The following HACL1 variants were observed in gnomAD, a reference collection of about 807,000 sequenced individuals.
HACL1 encodes the protein 2-hydroxyacyl-CoA lyase 1, also known as 1600020H07Rik.
HACL1 carries 64 observed loss-of-function variants against 74.2 expected under a neutral mutation model. That is an observed-to-expected ratio of 0.86 (90% CI 0.70 to 1.06). HACL1 has a LOEUF of 1.06. Ranked by LOEUF, HACL1 falls within the 50% of genes least tolerant of loss-of-function variation. The pLI, the probability that HACL1 is intolerant of heterozygous loss-of-function variation, is 0.00. For missense variants in HACL1, 728 were observed against 719.7 expected (o/e 1.01, Z -0.13); for synonymous variants, 230 against 238.8 (o/e 0.96, Z 0.34).
intron 9 of HACL1, among the ~76,000 whole-genome samples, chr3:15,579,181 A>T (rs2125253034): frequency 6.6e-6 from 1 of 152,364 alleles, no homozygotes; most frequent in Non-Finnish European, 1.5e-5. Context: ...AGAATCTCCA[A>T]ATACAATATC....
At position 15,572,240 on chromosome 3, in the gene HACL1, T is replaced by A. The variant is rs1355671881; in HGVS notation, c.994-471A>T. The stretch of plus-strand genomic sequence containing the variant: ...CTTCACATTACTCAGACTCTTTTTT[T>A]CTTCCAGTTAGTAAACACCTGATAG... On this transcript the variant is annotated intron_variant, in intron 11 of 16. Transcript: ENST00000321169. Among the ~76,000 whole-genome samples the A allele has an allele frequency of 2.0e-5, 3 of 152,232 alleles. No homozygotes were observed. In the East Asian group the frequency reaches 5.8e-4, roughly 29 times the overall value.
rs200409115 is a variant in HACL1, at chr3:15,596,342, C to G, written c.227+42G>C. On this transcript the variant is annotated intron_variant, in intron 3 of 16. Coordinates refer to ENST00000321169, the MANE Select transcript of HACL1 (RefSeq NM_012260.4). ...GCTGAAAGACGTAATAGTTCTACCCCAAAATATTAAAGTAATTGAAGTGAA... is the reference window on the plus strand; with the variant it reads ...GCTGAAAGACGTAATAGTTCTACCCGAAAATATTAAAGTAATTGAAGTGAA... 2.0e-4 allele frequency: 215 copies of G among 1,090,868 alleles called. 1 individual carries two copies. In the East Asian group the frequency reaches 3.9e-3, roughly 20 times the overall value. The allele number at this position is 1,090,868 out of a possible 1,614,324, so 67.6% of individuals were successfully genotyped here. A position where few individuals can be genotyped will look rare whatever the true frequency, so the allele number is the denominator to read the frequency against.
intron 10 of HACL1, among the ~76,000 whole-genome samples, chr3:15,574,465 G>A (rs1298066461): frequency 6.6e-6 from 1 of 152,112 alleles, no homozygotes; most frequent in Non-Finnish European, 1.5e-5. Flanking sequence ...TTCCACACCA[G>A]TAAAGAAAAT....
intron 14 of HACL1, among the ~76,000 whole-genome samples, chr3:15,565,368 C>T (rs187924982): frequency 6.2e-4 from 95 of 152,214 alleles, no homozygotes; most frequent in East Asian, 4.8e-3. Context: ...ACTGAGCTCC[C>T]CACAGACACC....
At position 15,580,060 on chromosome 3, in the gene HACL1, A is replaced by G. The variant is rs113645319; in HGVS notation, c.668-15T>C. The G allele has an allele frequency of 7.5e-6, 12 of 1,607,230 alleles. No homozygotes were observed. Among genetic ancestry groups the G allele is most frequent in the Non-Finnish European group, 1.0e-5 (12 of 1,174,716 alleles). ...GTAAGCAGCACCTATAAGAAATGCA[A>G]ATGTATTGGACAATTCAGTTAAGCT... On this transcript the variant is annotated splice_polypyrimidine_tract_variant and intron_variant, in intron 8 of 16. Transcript: ENST00000321169.
chr3:15,570,413 A>C (rs2063506412), intron 12 of HACL1, among the ~76,000 whole-genome samples: 1 of 151,904 alleles, frequency 6.6e-6, no homozygotes, highest in Non-Finnish European at 1.5e-5. Context: ...TTGATGCGAA[A>C]ATGTGAATTT....
chr3:15,579,091 A>G (rs896146397), intron 9 of HACL1, among the ~76,000 whole-genome samples: 1 of 152,214 alleles, frequency 6.6e-6, no homozygotes, highest in African/African-American at 2.4e-5. Flanking sequence ...ATTTGTAGTC[A>G]AGCTAATCTA....
In HACL1 at chr3:15,568,419, T is replaced by G; in HGVS notation, c.1250+13A>C. 6.6e-7 allele frequency: 1 copy of G among 1,512,236 alleles called. No individual in the cohort carries two copies. Among genetic ancestry groups the G allele is most frequent in the Admixed American group, 2.0e-5 (1 of 50,246 alleles). 93.7% of individuals were successfully genotyped at this position (1,512,236 alleles called of 1,614,324 possible). On this transcript the variant is annotated intron_variant, in intron 13 of 16. Coordinates refer to ENST00000321169, the MANE Select transcript of HACL1 (RefSeq NM_012260.4). Reference sequence around the variant, plus strand: ...TAATGAATTACGACTTCTTTCTTCTTTAGAAGTCTTACCTGTGACGAGGAA... The same window carrying G: ...TAATGAATTACGACTTCTTTCTTCTGTAGAAGTCTTACCTGTGACGAGGAA...
At chr3:15,567,433 T>C (rs2063456378) in intron 14 of HACL1, among the ~76,000 whole-genome samples, 1 of 151,658 alleles carries the variant, frequency 6.6e-6, no homozygotes, top group East Asian at 1.9e-4. Context: ...TTGGCCAGGC[T>C]GGTCTTGAAC....
In HACL1 at chr3:15,563,404, G is replaced by A; in HGVS notation, c.1658C>T (p.Ser553Phe). 4.3e-6 allele frequency: 7 copies of A among 1,613,744 alleles called. No individual in the cohort carries two copies. Among genetic ancestry groups the A allele is most frequent in the Non-Finnish European group, 5.9e-6 (7 of 1,179,688 alleles). The change falls in exon 16 of 17, where the codon TCT becomes TTT. Residue 553 changes from serine (S) to phenylalanine (F), a missense_variant. Ser to Phe is a radical substitution (Grantham distance 155). Coordinates refer to ENST00000321169, the MANE Select transcript of HACL1 (RefSeq NM_012260.4). ...TGGCTCAATCATGATGTTGATAAGA[G>A]AAGGTTTAGTTGTGTCTGCTAGGCT... Reference protein sequence around the residue: ...RQSLADTTKPSLINIMIEPQA... With the variant: ...RQSLADTTKPFLINIMIEPQA...
At chr3:15,568,679 C>T (rs890612401) in intron 12 of HACL1, 93 bp from the exon 13 acceptor site, 7 of 749,510 alleles carry the variant, frequency 9.3e-6, no homozygotes, top group Middle Eastern at 2.6e-4. Flanking sequence ...TTTGGAAATA[C>T]GCAACAACTA....
intron 4 of HACL1, 58 bp from the exon 5 acceptor site, chr3:15,589,670 T>TA: frequency 1.0e-6 from 1 of 970,456 alleles, no homozygotes; most frequent in Admixed American, 1.8e-5. Flanking sequence ...TGTAAAACAC[T>TA]AAACACAGTG....
chr3:15,567,998 C>T lies in HACL1; in HGVS notation c.1255G>A (p.Asp419Asn), dbSNP rs1384271381. The change falls in exon 14 of 17, where the codon GAT becomes AAT. Residue 419 changes from aspartate (D) to asparagine (N), a missense_variant. Transcript: ENST00000321169. ...LQNYLPRHRL[D>N]AGTFGTMGVG... ...CCCATTGTTCCGAAAGTACCAGCATCAAGCCTGTTGGAGAACAAAGTTAAA... is the reference window on the plus strand; with the variant it reads ...CCCATTGTTCCGAAAGTACCAGCATTAAGCCTGTTGGAGAACAAAGTTAAA... The T allele has an allele frequency of 1.2e-6, 2 of 1,614,010 alleles. No homozygotes were observed. The highest frequency in any genetic ancestry group is 2.7e-5 in the African/African-American group (2 of 74,924).
intron 3 of HACL1, among the ~76,000 whole-genome samples, chr3:15,594,102 A>C (rs1469651848): frequency 6.6e-6 from 1 of 152,126 alleles, no homozygotes; most frequent in Non-Finnish European, 1.5e-5. Flanking sequence ...CCTGGTCCCC[A>C]AAATCTTTTA....
At chr3:15,593,924 A>C (rs1282330470) in intron 3 of HACL1, among the ~76,000 whole-genome samples, 2 of 151,506 alleles carry the variant, frequency 1.3e-5, no homozygotes, top group Non-Finnish European at 2.9e-5. Context: ...CAGCCTCCCA[A>C]GTAGCTGGGA....
intron 5 of HACL1, 21 bp downstream of exon 5, chr3:15,589,519 C>A (rs766204322): frequency 2.2e-5 from 34 of 1,536,096 alleles, no homozygotes; most frequent in Non-Finnish European, 2.7e-5. Flanking sequence ...TAAAAAAAAC[C>A]AAAATCTTAA....
In HACL1 at chr3:15,568,503, G is replaced by A. The variant is rs752404751; in HGVS notation, c.1179C>T (p.Phe393=). 5 of 1,598,554 alleles carry A rather than the reference G, an allele frequency of 3.1e-6. No individual in the cohort carries two copies. The East Asian group carries it at 6.7e-5, about 21-fold the overall frequency. ...HVQEQLPRDC[F]VVSEGANTMD... ...TAGTATTTGCTCCTTCACTTACCACGAAACAGTCTCTAGGTAGTTGTTCTT... is the reference window on the plus strand; with the variant it reads ...TAGTATTTGCTCCTTCACTTACCACAAAACAGTCTCTAGGTAGTTGTTCTT... The change falls in exon 13 of 17, where the codon TTC becomes TTT. Residue 393 remains phenylalanine, a synonymous_variant. Transcript: ENST00000321169.
chr3:15,586,553 A>G lies in HACL1; in HGVS notation c.431T>C (p.Ile144Thr), dbSNP rs1024650825. 1.3e-6 allele frequency: 2 copies of G among 1,599,368 alleles called. No homozygotes were observed. The highest frequency in any genetic ancestry group is 1.7e-6 in the Non-Finnish European group (2 of 1,167,522). Residue 144 changes from isoleucine to threonine, a missense_variant, in exon 6 of 17, where the codon ATA becomes ACA. Transcript: ENST00000321169. ...TTCAATAACAAAAGGAATAGCTTCT[A>G]TGCTGCTTGGGCGGGCAGAGAACTT... ...YTKFSARPSSIEAIPFVIEKA... is the reference protein window; with the variant it reads ...YTKFSARPSSTEAIPFVIEKA...
At chr3:15,568,110 C>A (rs977263712) in intron 13 of HACL1, 108 bp from the exon 14 acceptor site, 3 of 925,466 alleles carry the variant, frequency 3.2e-6, no homozygotes, top group Non-Finnish European at 5.0e-6. Context: ...AAATGAAGAA[C>A]CATAAAAACA....
Sources: allele counts gnomAD v4.1 joint callset (sites outside exome capture counted in the v4.1 genomes callset), GRCh38; gene constraint gnomAD v4.1.1; transcripts MANE v1.5; gene names NCBI Gene and HGNC (gene_info 2026-07-23, HGNC 2026-07-21).